Variants in ANKRD30BL observed in about 807,000 individuals in gnomAD.
The protein encoded by ANKRD30BL is putative ankyrin repeat domain-containing protein 30B-like.
Under a neutral mutation model 18.4 loss-of-function variants are expected in ANKRD30BL, and 20 were observed. That is an observed-to-expected ratio of 1.09 (90% CI 0.77 to 1.58). The LOEUF (loss-of-function observed/expected upper bound fraction) is 1.58. Among genes scored for constraint, ANKRD30BL ranks in the 40% most tolerant of loss-of-function variants. ANKRD30BL has a pLI of 0.00. For missense variants in ANKRD30BL, 224 were observed against 268.6 expected, an observed-to-expected ratio of 0.83 and a Z score of 1.16; for synonymous variants, 72 against 100.9, an observed-to-expected ratio of 0.71 and a Z score of 1.72.
At chr2:132,202,114 G>A (rs1489821068) in intron 1 of ANKRD30BL, among the ~76,000 whole-genome samples, 3 of 152,008 alleles carry the variant, frequency 2.0e-5, no homozygotes, top group Non-Finnish European at 2.9e-5. Context: ...GACACAGGAA[G>A]GGGAACATCA....
At chr2:132,230,583 T>C (rs1299214681) in intron 1 of ANKRD30BL, among the ~76,000 whole-genome samples, 2 of 152,004 alleles carry the variant, frequency 1.3e-5, no homozygotes, top group African/African-American at 4.8e-5. Context: ...AGCACTGTTT[T>C]TGGACAATCT....
chr2:132,224,654 A>T (rs202222169), intron 1 of ANKRD30BL, among the ~76,000 whole-genome samples: 4 of 152,066 alleles, frequency 2.6e-5, no homozygotes, highest in South Asian at 2.1e-4. Context: ...TCACTTAAAA[A>T]CTAGACAGAA....
chr2:132,231,132 C>A (rs1679998144), intron 1 of ANKRD30BL, among the ~76,000 whole-genome samples: 1 of 151,892 alleles, frequency 6.6e-6, no homozygotes, highest in Non-Finnish European at 1.5e-5. Flanking sequence ...AGATTTGAGG[C>A]CTATGGTGGA....
At chr2:132,197,888 C>A (rs1343517398) in intron 1 of ANKRD30BL, among the ~76,000 whole-genome samples, 1 of 151,932 alleles carries the variant, frequency 6.6e-6, no homozygotes, top group African/African-American at 2.4e-5. Context: ...TATAAACCAG[C>A]AATGTTTCTT....
chr2:132,164,439 C>G (rs1278222149), upstream of ANKRD30BL, among the ~76,000 whole-genome samples: 3 of 151,748 alleles, frequency 2.0e-5, no homozygotes, highest in African/African-American at 7.3e-5. Context: ...TACAGGCACC[C>G]GCCATCATGC....
At chr2:132,257,929 A>T (rs1680918154) in exon 1 of ANKRD30BL, 1 of 153,966 alleles carries the variant, frequency 6.5e-6, no homozygotes, top group African/African-American at 2.4e-5. Flanking sequence ...TCGGAGGCAG[A>T]ACGGTAGCCC....
chr2:132,231,219 A>G (rs1680000604), intron 1 of ANKRD30BL, among the ~76,000 whole-genome samples: 1 of 152,168 alleles, frequency 6.6e-6, no homozygotes, highest in South Asian at 2.1e-4. Flanking sequence ...TTCAACTCAC[A>G]GAGTTGAACT....
At chr2:132,185,339 C>T (rs1383985842) in intron 1 of ANKRD30BL, among the ~76,000 whole-genome samples, 1 of 152,200 alleles carries the variant, frequency 6.6e-6, no homozygotes, top group Non-Finnish European at 1.5e-5. Context: ...CCCTACCTGA[C>T]CATCGCCTGG....
At chr2:132,181,039 G>A (rs2104947516) in intron 1 of ANKRD30BL, among the ~76,000 whole-genome samples, 1 of 152,202 alleles carries the variant, frequency 6.6e-6, no homozygotes, top group Admixed American at 6.5e-5. Flanking sequence ...AGCTACTTGG[G>A]AGGCTGAGGC....
At chr2:132,230,863 G>A (rs1367559455) in intron 1 of ANKRD30BL, among the ~76,000 whole-genome samples, 1 of 152,006 alleles carries the variant, frequency 6.6e-6, no homozygotes, top group Non-Finnish European at 1.5e-5. Flanking sequence ...TCTTCGTGAT[G>A]TGTGCATTCA....
At chr2:132,208,867 A>C (rs926585949) in intron 1 of ANKRD30BL, among the ~76,000 whole-genome samples, 16 of 151,910 alleles carry the variant, frequency 1.1e-4, no homozygotes, top group African/African-American at 3.9e-4. Flanking sequence ...AAGCATTCTG[A>C]GAAACTTCTT....
At chr2:132,175,670 G>T (rs564577369) in intron 1 of ANKRD30BL, among the ~76,000 whole-genome samples, 2 of 152,230 alleles carry the variant, frequency 1.3e-5, no homozygotes, top group Admixed American at 1.3e-4. Context: ...CACATGTGGA[G>T]AATCCTTGGA....
At chr2:132,257,433 A>C (rs1291700605) in intron 1 of ANKRD30BL, 1 of 311,934 alleles carries the variant, frequency 3.2e-6, no homozygotes, top group Admixed American at 4.5e-5. Flanking sequence ...TTCTCCCCTG[A>C]CTCGGAAGGG....
At chr2:132,213,362 C>T (rs1442978074) in intron 1 of ANKRD30BL, among the ~76,000 whole-genome samples, 1 of 152,126 alleles carries the variant, frequency 6.6e-6, no homozygotes, top group East Asian at 1.9e-4. Context: ...TGTGTGCATT[C>T]AACTCACAGA....
exon 1 of ANKRD30BL, chr2:132,257,531 C>A: frequency 4.3e-6 from 1 of 230,604 alleles, no homozygotes; most frequent in South Asian, 4.9e-5. Flanking sequence ...CCACTCACCT[C>A]ATCAAGGGGG....
At chr2:132,240,647 G>T (rs1680290845) in intron 1 of ANKRD30BL, among the ~76,000 whole-genome samples, 1 of 150,936 alleles carries the variant, frequency 6.6e-6, no homozygotes. Flanking sequence ...GAATTTCATT[G>T]GAAACTGGAT....
intron 1 of ANKRD30BL, among the ~76,000 whole-genome samples, chr2:132,241,225 G>A (rs535595625): frequency 6.6e-6 from 1 of 151,678 alleles, no homozygotes; most frequent in East Asian, 2.0e-4. Flanking sequence ...TGTGATGTGT[G>A]TACTCAACTC....
intron 1 of ANKRD30BL, among the ~76,000 whole-genome samples, chr2:132,233,648 T>A (rs1306085806): frequency 6.6e-6 from 1 of 151,312 alleles, no homozygotes; most frequent in African/African-American, 2.4e-5. Flanking sequence ...ATCCTAAATC[T>A]ATATGCACCC....
intron 1 of ANKRD30BL, among the ~76,000 whole-genome samples, chr2:132,167,404 A>G (rs1333068558): frequency 2.0e-5 from 3 of 151,550 alleles, no homozygotes; most frequent in Non-Finnish European, 1.5e-5. Context: ...GGCACAATGC[A>G]ACCTCCACAT....
Sources: allele counts gnomAD v4.1 joint callset (sites outside exome capture counted in the v4.1 genomes callset), GRCh38; gene constraint gnomAD v4.1.1; transcripts MANE v1.5; gene names NCBI Gene and HGNC (gene_info 2026-07-23, HGNC 2026-07-21).